ACVR1B: variants seen among roughly 807,000 people sequenced by gnomAD.
ACVR1B encodes the protein activin A receptor type 1B.
In ACVR1B, 15 loss-of-function variants were observed where a neutral mutation model predicts 55.6. That is an observed-to-expected ratio of 0.27 (90% confidence interval 0.18 to 0.42). The LOEUF (loss-of-function observed/expected upper bound fraction) is 0.42, where lower values mean the gene tolerates loss of function less well. ACVR1B is among the 10% of genes least tolerant of loss of function. The pLI is 1.00. For missense variants in ACVR1B, 359 were observed against 670.1 expected (o/e 0.54, Z 5.13); for synonymous variants, 247 against 254.6 (o/e 0.97, Z 0.28).
At chr12:51,983,966 CT>C (rs1293699512) in intron 4 of ACVR1B, 32 bp from the exon 5 acceptor site, 3 of 1,612,762 alleles carry the variant, frequency 1.9e-6, no homozygotes, top group Non-Finnish European at 2.5e-6. Flanking sequence ...GATAGTTACA[CT>C]TTTTCTGGGA....
chr12:51,954,101 T>C (rs949564171), intron 1 of ACVR1B, among the ~76,000 whole-genome samples: 7 of 152,092 alleles, frequency 4.6e-5, no homozygotes, highest in African/African-American at 7.2e-5. Context: ...TTGATTTTTT[T>C]CCCCTCCCCT....
intron 1 of ACVR1B, among the ~76,000 whole-genome samples, chr12:51,962,003 A>T (rs1941539395): frequency 6.6e-6 from 1 of 152,194 alleles, no homozygotes. Context: ...AGTTGCAATG[A>T]CAGGTCTCCT....
At chr12:51,993,772 A>T (rs1263422783) in intron 8 of ACVR1B, among the ~76,000 whole-genome samples, 6 of 43,242 alleles carry the variant, frequency 1.4e-4, no homozygotes, top group Admixed American at 1.6e-4. Flanking sequence ...TTCTAAAAAA[A>T]AAAAAAAAAA....
intron 1 of ACVR1B, among the ~76,000 whole-genome samples, chr12:51,964,361 T>C (rs1311671349): frequency 6.6e-6 from 1 of 152,252 alleles, no homozygotes; most frequent in Non-Finnish European, 1.5e-5. Flanking sequence ...TTATATATTC[T>C]GGATTCTAGA....
intron 5 of ACVR1B, 87 bp from the exon 6 acceptor site, chr12:51,985,105 T>G: frequency 7.2e-7 from 1 of 1,390,942 alleles, no homozygotes; most frequent in Non-Finnish European, 9.5e-7. Flanking sequence ...AAGCCAGGAC[T>G]CAAACCTATA....
chr12:51,991,869 A>G lies in ACVR1B; in HGVS notation c.1268A>G (p.His423Arg). 1 of 1,613,270 alleles carries G rather than the reference A, an allele frequency of 6.2e-7. No individual in the cohort carries two copies. Among genetic ancestry groups the G allele is most frequent in the Non-Finnish European group, 8.5e-7 (1 of 1,179,568 alleles). The change falls in exon 8 of 9, where the codon CAT becomes CGT. Residue 423 changes from histidine to arginine, a missense_variant. Around this residue, in one of 5 missense-constraint regions of ACVR1B, gnomAD observed 119 missense variants for 340.2 expected, o/e 0.35. Transcript: ENST00000257963. ...ATACTTTCTTTTCTCCCAGGAGTCCATGAAGAATATCAGCTGCCATATTAC... is the reference window on the plus strand; with the variant it reads ...ATACTTTCTTTTCTCCCAGGAGTCCGTGAAGAATATCAGCTGCCATATTAC... ...IARRCNSGGV[H>R]EEYQLPYYDL... is the part of the protein sequence containing the mutation.
chr12:51,963,098 T>C (rs964397688), intron 1 of ACVR1B, among the ~76,000 whole-genome samples: 5 of 152,234 alleles, frequency 3.3e-5, no homozygotes, highest in African/African-American at 1.2e-4. Flanking sequence ...AATAGGGATT[T>C]ATGGTAGTAA....
chr12:51,965,542 A>G lies in ACVR1B; in HGVS notation c.92-9723A>G, dbSNP rs143978443. Among the ~76,000 whole-genome samples the G allele has an allele frequency of 2.6e-4, 40 of 152,318 alleles. No individual in the cohort carries two copies. In the East Asian group the frequency reaches 7.3e-3, roughly 28 times the overall value. ...GGAGGACAACCAGTAGGTTGGAGATATTAGAGTACAGACCTGTGGGGAGGA... is the reference window on the plus strand; with the variant it reads ...GGAGGACAACCAGTAGGTTGGAGATGTTAGAGTACAGACCTGTGGGGAGGA... On this transcript the variant is annotated intron_variant, in intron 1 of 8. Transcript: ENST00000257963.
chr12:51,969,384 T>G (rs879478525), intron 1 of ACVR1B, among the ~76,000 whole-genome samples: 1 of 152,182 alleles, frequency 6.6e-6, no homozygotes, highest in Non-Finnish European at 1.5e-5. Context: ...TGGAACACAG[T>G]CTATTTCTTT....
Position 51,981,217 on chromosome 12 carries a change from A to G in ACVR1B, c.811+18A>G. On this transcript the variant is annotated intron_variant, in intron 4 of 8. Coordinates refer to ENST00000257963, the MANE Select transcript of ACVR1B (RefSeq NM_004302.5). Reference sequence around the variant, plus strand: ...CAATAAAGGTAAGGGCTGGGCTTGGATACAGCATTCCCAGATAGAGGATGC... The same window carrying G: ...CAATAAAGGTAAGGGCTGGGCTTGGGTACAGCATTCCCAGATAGAGGATGC... 1.2e-6 allele frequency: 2 copies of G among 1,605,876 alleles called. No individual in the cohort carries two copies. Among genetic ancestry groups the G allele is most frequent in the Non-Finnish European group, 8.5e-7 (1 of 1,172,844 alleles).
intron 1 of ACVR1B, among the ~76,000 whole-genome samples, chr12:51,959,262 C>T (rs1435493790): frequency 6.6e-6 from 1 of 152,194 alleles, no homozygotes; most frequent in Non-Finnish European, 1.5e-5. Flanking sequence ...TGAACTAGCC[C>T]TTTCAAAGCA....
At chr12:51,953,331 T>C in intron 1 of ACVR1B, 6 of 985,398 alleles carry the variant, frequency 6.1e-6, no homozygotes, top group Non-Finnish European at 6.0e-6. Flanking sequence ...GGCTTTGATA[T>C]TTGTTCCCAG....
In ACVR1B at chr12:51,971,298, T is replaced by A. The variant is rs182674049; in HGVS notation, c.92-3967T>A. Among the ~76,000 whole-genome samples, 4 of 152,368 alleles carry A rather than the reference T, an allele frequency of 2.6e-5. No homozygotes were observed. In the East Asian group the frequency reaches 7.7e-4, roughly 29 times the overall value. ...ATACTTTGGAACCGTGTTCAAACCC[T>A]GCCAAGGTGGTTTTGTCTTTAGTTT... On this transcript the variant is annotated intron_variant, in intron 1 of 8. Transcript: ENST00000257963.
intron 1 of ACVR1B, among the ~76,000 whole-genome samples, chr12:51,962,905 G>A (rs1227887505): frequency 6.6e-6 from 1 of 152,206 alleles, no homozygotes; most frequent in Non-Finnish European, 1.5e-5. Context: ...AGTGCTATTT[G>A]CCAGGTGCTG....
chr12:51,994,190 C>A lies in ACVR1B; in HGVS notation c.*80C>A. On this transcript the variant is annotated 3_prime_UTR_variant, in exon 9 of 9. Coordinates refer to ENST00000257963, the MANE Select transcript of ACVR1B (RefSeq NM_004302.5). This position sits in a 1 kb window ranked among gnomAD's most constrained non-coding sequence, Gnocchi z 4.2. ...GCGTTGAGCGTACGATGGAGGCCTA[C>A]CTCTCGTTTCTGCCCAGCCCTCTGT... 1 of 1,562,054 alleles carries A rather than the reference C, an allele frequency of 6.4e-7. No individual in the cohort carries two copies. Among genetic ancestry groups the A allele is most frequent in the Non-Finnish European group, 8.6e-7 (1 of 1,157,140 alleles).
At chr12:51,970,423 T>C (rs1565614285) in intron 1 of ACVR1B, among the ~76,000 whole-genome samples, 1 of 152,370 alleles carries the variant, frequency 6.6e-6, no homozygotes, top group East Asian at 1.9e-4. Context: ...CGTGAGTTCC[T>C]GTGGGGATCA....
At chr12:51,984,786 G>A (rs1171883010) in intron 5 of ACVR1B, among the ~76,000 whole-genome samples, 4 of 152,348 alleles carry the variant, frequency 2.6e-5, no homozygotes, top group East Asian at 3.9e-4. Flanking sequence ...TAGCCTGTGC[G>A]GTGCCAGTTC....
chr12:51,977,755 T>G (rs1024120092), intron 3 of ACVR1B, among the ~76,000 whole-genome samples: 4 of 151,066 alleles, frequency 2.6e-5, no homozygotes, highest in Admixed American at 2.6e-4. Flanking sequence ...GTAGCTGAGA[T>G]GTCAGGCATG....
chr12:51,963,048 GT>G (rs1941567066), intron 1 of ACVR1B, among the ~76,000 whole-genome samples: 1 of 151,654 alleles, frequency 6.6e-6, no homozygotes. Flanking sequence ...GTTTTTTTTT[GT>G]TTTTGTTATT....
Sources: allele counts gnomAD v4.1 joint callset (sites outside exome capture counted in the v4.1 genomes callset), GRCh38; gene constraint gnomAD v4.1.1; regional missense constraint gnomAD v4.1.1; non-coding constraint Gnocchi (gnomAD v3.1); transcripts MANE v1.5; gene names NCBI Gene and HGNC (gene_info 2026-07-23, HGNC 2026-07-21).